STK17B: variants seen among roughly 807,000 people sequenced by gnomAD.
STK17B encodes the protein serine/threonine-protein kinase 17B.
Under a neutral mutation model 42.0 loss-of-function variants are expected in STK17B, and 21 were observed. That is an observed-to-expected ratio of 0.50 (90% CI 0.35 to 0.72). The LOEUF is 0.72. Ranked by LOEUF, STK17B falls within the 30% of genes least tolerant of loss-of-function variation. STK17B has a pLI of 0.00. For missense variants in STK17B, 349 were observed against 446.0 expected (o/e 0.78, Z 1.96); for synonymous variants, 143 against 148.4 (o/e 0.96, Z 0.26).
rs982381580 is a variant in STK17B at position 196,137,056 on chromosome 2, C to A, written c.*391G>T. ...GATAGAGGCATGGTATAAGAGTCAC[C>A]TTAGAGAGAGAACCTATTAAATTCC... is the stretch of plus-strand genomic sequence containing the variant. On this transcript the variant is annotated 3_prime_UTR_variant, in exon 8 of 8. Coordinates refer to ENST00000263955, the MANE Select transcript of STK17B (RefSeq NM_004226.4). 5.6e-6 allele frequency: 1 copy of A among 177,188 alleles called. No homozygotes were observed. Among genetic ancestry groups the A allele is most frequent in the African/African-American group, 2.4e-5 (1 of 41,774 alleles). 11.0% of individuals were successfully genotyped at this position (177,188 alleles called of 1,614,324 possible). A position where few individuals can be genotyped will look rare whatever the true frequency, so the allele number is the denominator to read the frequency against.
chr2:196,159,539 T>C (rs773088028), intron 2 of STK17B, among the ~76,000 whole-genome samples: 1 of 152,162 alleles, frequency 6.6e-6, no homozygotes, highest in Admixed American at 6.5e-5. Flanking sequence ...TTCAAACTCC[T>C]GGGCTCAAAC....
At chr2:196,153,361 G>A (rs1195653198) in intron 3 of STK17B, 1 of 151,784 alleles carries the variant, frequency 6.6e-6, no homozygotes, top group East Asian at 1.9e-4. Flanking sequence ...GAATAAGCAA[G>A]TATTGCTGAG....
upstream of STK17B, among the ~76,000 whole-genome samples, chr2:196,174,867 G>A (rs1375491698): frequency 6.6e-6 from 1 of 152,226 alleles, no homozygotes; most frequent in Non-Finnish European, 1.5e-5. Flanking sequence ...TCTGATGAGA[G>A]TAATAACTCA....
At chr2:196,157,149 C>CAA (rs202147188) in intron 2 of STK17B, among the ~76,000 whole-genome samples, 4 of 98,166 alleles carry the variant, frequency 4.1e-5, no homozygotes, top group East Asian at 7.2e-4. Context: ...GAGACTGTCT[C>CAA]AAAAAAAAAA....
Position 196,135,058 on chromosome 2 carries a change from A to C in STK17B, c.*2389T>G, listed in dbSNP as rs1431670148. The stretch of plus-strand genomic sequence containing the variant: ...TAATATCAGGAAAAAAGGCATGGAA[A>C]TTTACAGCTCTGTATTCTACTACTT... On this transcript the variant is annotated 3_prime_UTR_variant, in exon 8 of 8. Transcript: ENST00000263955. 2 of 152,184 alleles carry C rather than the reference A, an allele frequency of 1.3e-5. No homozygotes were observed. The highest frequency in any genetic ancestry group is 4.8e-5 in the African/African-American group (2 of 41,444). 9.4% of individuals were successfully genotyped at this position (152,184 alleles called of 1,614,324 possible).
Position 196,163,437 on chromosome 2 carries a change from A to G in STK17B, c.-44-10T>C. On this transcript the variant is annotated splice_polypyrimidine_tract_variant and intron_variant, in intron 1 of 7. Coordinates refer to ENST00000263955, the MANE Select transcript of STK17B (RefSeq NM_004226.4). ...AGTCACTTATTTTTACCTATGCAAA[A>G]AAAGAGAATACAGAGAAAAGATGTT... 1 of 1,525,180 alleles carries G rather than the reference A, an allele frequency of 6.6e-7. No homozygotes were observed. The highest frequency in any genetic ancestry group is 8.7e-7 in the Non-Finnish European group (1 of 1,143,960). 94.5% of individuals were successfully genotyped at this position (1,525,180 alleles called of 1,614,324 possible). A position where few individuals can be genotyped will look rare whatever the true frequency, so the allele number is the denominator to read the frequency against.
chr2:196,139,234 G>C (rs1699456579), intron 7 of STK17B, among the ~76,000 whole-genome samples: 1 of 152,300 alleles, frequency 6.6e-6, no homozygotes, highest in African/African-American at 2.4e-5. Flanking sequence ...AAAGTGCTGG[G>C]ATTACAGGCG....
chr2:196,168,266 G>A (rs542173118), intron 1 of STK17B, among the ~76,000 whole-genome samples: 66 of 152,270 alleles, frequency 4.3e-4, no homozygotes, highest in African/African-American at 1.6e-3. Context: ...TCTGTGCCAA[G>A]ACCCTAAGGC....
chr2:196,151,557 T>A (rs1460744774), intron 3 of STK17B: 1 of 152,220 alleles, frequency 6.6e-6, no homozygotes, highest in Non-Finnish European at 1.5e-5. Flanking sequence ...TATGACCAAC[T>A]TTAATTTGCT....
At chr2:196,151,943 C>G (rs1301541369) in intron 3 of STK17B, among the ~76,000 whole-genome samples, 1 of 152,116 alleles carries the variant, frequency 6.6e-6, no homozygotes, top group East Asian at 1.9e-4. Context: ...AAGTGACAAG[C>G]AGGTTGCAAG....
Position 196,168,918 on chromosome 2 carries a change from C to A in STK17B, c.-45+2415G>T, listed in dbSNP as rs555408684. Among the ~76,000 whole-genome samples the A allele has an allele frequency of 6.6e-5, 10 of 152,202 alleles. No homozygotes were observed. The East Asian group carries it at 1.9e-3, about 29-fold the overall frequency. On this transcript the variant is annotated intron_variant, in intron 1 of 7. Transcript: ENST00000263955. ...TCAATATTATGAAAAACTAAAGCAACTGACATTTGAAGTTTTCCTAAGTGG... is the reference window on the plus strand; with the variant it reads ...TCAATATTATGAAAAACTAAAGCAAATGACATTTGAAGTTTTCCTAAGTGG...
chr2:196,163,165 T>C (rs552749848), intron 2 of STK17B, 97 bp downstream of exon 2: 196 of 1,410,782 alleles, frequency 1.4e-4, no homozygotes, highest in Non-Finnish European at 1.8e-4. Flanking sequence ...TTCCTAATCA[T>C]TGTTAAATAA....
At chr2:196,140,779 G>A (rs1317093106) in intron 6 of STK17B, among the ~76,000 whole-genome samples, 2 of 151,868 alleles carry the variant, frequency 1.3e-5, no homozygotes, top group Non-Finnish European at 2.9e-5. Flanking sequence ...TGGCCAGGCT[G>A]GTCTCTAACT....
chr2:196,155,555 T>G (rs1361776396), intron 3 of STK17B, among the ~76,000 whole-genome samples: 1 of 152,080 alleles, frequency 6.6e-6, no homozygotes, highest in African/African-American at 2.4e-5. Flanking sequence ...TTACTATAGT[T>G]AGCAATACAT....
At chr2:196,145,626 T>C (rs1349095825) in intron 4 of STK17B, among the ~76,000 whole-genome samples, 1 of 152,196 alleles carries the variant, frequency 6.6e-6, no homozygotes, top group Non-Finnish European at 1.5e-5. Flanking sequence ...GATGTGGTTG[T>C]AAGAGTGGGA....
At chr2:196,144,632 T>C (rs1362354132) in intron 4 of STK17B, among the ~76,000 whole-genome samples, 1 of 152,056 alleles carries the variant, frequency 6.6e-6, no homozygotes, top group South Asian at 2.1e-4. Context: ...GGGATGATTC[T>C]GGATGAGCCA....
In STK17B at chr2:196,137,600, T is replaced by G; in HGVS notation, c.966A>C (p.Glu322Asp). ...QTQDHSVRSS[E>D]DKTSKSSCNG... ...TACAGGAGGATTTAGAAGTCTTGTC[T>G]TCAGAGGACCTTACAGAATGATCCT... Residue 322 changes from glutamate to aspartate, a missense_variant, in exon 8 of 8, where the codon GAA (glutamate) becomes GAC (aspartate). Physicochemically the swap from Glu to Asp is conservative, Grantham distance 45. Coordinates refer to ENST00000263955, the MANE Select transcript of STK17B (RefSeq NM_004226.4). 7.4e-6 allele frequency: 12 copies of G among 1,614,130 alleles called. No individual in the cohort carries two copies. The highest frequency in any genetic ancestry group is 8.5e-6 in the Non-Finnish European group (10 of 1,179,996).
At chr2:196,142,942 A>C (rs17366241) in intron 5 of STK17B, among the ~76,000 whole-genome samples, 13,447 of 152,226 alleles carry the variant, frequency 0.088, 744 homozygotes, top group Non-Finnish European at 0.12. Flanking sequence ...CAACTTAAAA[A>C]CCTTTCATAT....
intron 4 of STK17B, among the ~76,000 whole-genome samples, chr2:196,145,359 C>T (rs1699555944): frequency 6.6e-6 from 1 of 151,812 alleles, no homozygotes; most frequent in Admixed American, 6.6e-5. Flanking sequence ...ATCTTAAGGT[C>T]CTTGTGTGGT....
Sources: allele counts gnomAD v4.1 joint callset (sites outside exome capture counted in the v4.1 genomes callset), GRCh38; gene constraint gnomAD v4.1.1; transcripts MANE v1.5; gene names NCBI Gene and HGNC (gene_info 2026-07-23, HGNC 2026-07-21).